The following TECR variants were observed in gnomAD, a reference collection of about 807,000 sequenced individuals.
The protein encoded by TECR is very-long-chain enoyl-CoA reductase.
Under a neutral mutation model 50.6 loss-of-function variants are expected in TECR, and 19 were observed. The ratio of observed to expected loss-of-function variants is 0.38; its 90% confidence interval spans 0.26 to 0.55. The LOEUF is 0.55. Among genes scored for constraint, TECR ranks in the 20% least tolerant of loss-of-function variants. TECR has a pLI of 0.79. For synonymous variants in TECR, 168 were observed against 163.5 expected (o/e 1.03, Z -0.21); for missense variants, 313 against 408.3 (o/e 0.77, Z 2.01).
intron 1 of TECR, among the ~76,000 whole-genome samples, chr19:14,554,938 C>G (rs893045416): frequency 2.6e-5 from 4 of 151,738 alleles, no homozygotes; most frequent in Non-Finnish European, 5.9e-5. Context: ...GCCACCATGC[C>G]CAGCTAATTT....
rs377238588 is a variant in TECR at position 14,529,648 on chromosome 19, C to G, written c.-49C>G. The stretch of plus-strand genomic sequence containing the variant: ...TGTAGGGAGCCTGTGCTGTGCCGCG[C>G]AGTTAGGCAGCAGCAGCCGCGGAGC... On this transcript the variant is annotated 5_prime_UTR_variant, in exon 1 of 13. Transcript: ENST00000215567. 1 of 1,613,710 alleles carries G rather than the reference C, an allele frequency of 6.2e-7. No homozygotes were observed. Among genetic ancestry groups the G allele is most frequent in the East Asian group, 2.2e-5 (1 of 44,876 alleles).
upstream of TECR, chr19:14,529,356 C>G (rs747472374): frequency 2.7e-5 from 13 of 483,336 alleles, no homozygotes; most frequent in Non-Finnish European, 4.2e-5. Context: ...CAAAGGGACG[C>G]GCGGGGCAGA....
At chr19:14,545,685 G>C (rs1421721504) in intron 1 of TECR, 2 of 168,728 alleles carry the variant, frequency 1.2e-5, no homozygotes, top group East Asian at 3.3e-4. Flanking sequence ...TGCATGGCGA[G>C]TGCAAACTGC....
At chr19:14,549,770 C>T (rs998168891) in intron 1 of TECR, among the ~76,000 whole-genome samples, 2 of 151,934 alleles carry the variant, frequency 1.3e-5, no homozygotes, top group African/African-American at 4.8e-5. Flanking sequence ...TGGTGAAACC[C>T]CATCTCTACT....
intron 1 of TECR, among the ~76,000 whole-genome samples, chr19:14,543,736 C>CTA (rs1220048810): frequency 6.7e-6 from 1 of 148,834 alleles, no homozygotes; most frequent in Non-Finnish European, 1.5e-5. Context: ...CCGCGCCCGG[C>CTA]TATATATATA....
intron 1 of TECR, among the ~76,000 whole-genome samples, chr19:14,548,601 G>A (rs778845365): frequency 1.3e-5 from 2 of 152,154 alleles, no homozygotes. Flanking sequence ...TTTTAGAGAC[G>A]GAGTTTTGCA....
chr19:14,532,889 C>CCTG, intron 1 of TECR, among the ~76,000 whole-genome samples: 1 of 152,094 alleles, frequency 6.6e-6, no homozygotes, highest in East Asian at 1.9e-4. Flanking sequence ...ACGGGTGAAT[C>CCTG]ACTTGAAGTC....
intron 1 of TECR, among the ~76,000 whole-genome samples, chr19:14,534,727 G>A (rs796329989): frequency 2.0e-5 from 3 of 152,082 alleles, no homozygotes; most frequent in African/African-American, 7.2e-5. Context: ...GTGAGCCACC[G>A]CACCTTGCCC....
chr19:14,562,503 A>C (rs2073933245), intron 1 of TECR, 22 bp from the exon 2 acceptor site: 1 of 1,614,182 alleles, frequency 6.2e-7, no homozygotes, highest in African/African-American at 1.3e-5. Context: ...AGAAACCTAA[A>C]AAGGCTGTTC....
chr19:14,543,299 G>T (rs1201729828), intron 1 of TECR, among the ~76,000 whole-genome samples: 24 of 123,430 alleles, frequency 1.9e-4, no homozygotes, highest in Admixed American at 1.0e-3. Flanking sequence ...GGGTGGGGTG[G>T]GGGTGTGTGT....
chr19:14,549,050 C>T (rs946313183), intron 1 of TECR, among the ~76,000 whole-genome samples: 31 of 151,576 alleles, frequency 2.0e-4, no homozygotes, highest in Non-Finnish European at 3.7e-4. Context: ...AAGGTAAAAA[C>T]GTCATGTATT....
At position 14,535,576 on chromosome 19, in the gene TECR, ATATATATATATATG is replaced by A. The variant is rs1222038744; in HGVS notation, c.15+5869_15+5882del. Among the ~76,000 whole-genome samples the A allele has an allele frequency of 5.0e-4, 20 of 39,902 alleles. No homozygotes were observed. The South Asian group carries it at 8.0e-3, about 16-fold the overall frequency. 26.2% of individuals were successfully genotyped at this position (39,902 alleles called of 152,430 possible). A position where few individuals can be genotyped will look rare whatever the true frequency, so the allele number is the denominator to read the frequency against. ...TATATATATATATATATATATATAT[ATATATATATATATG>A]TATGTATATATAAATTAGCCAGGCA... On this transcript the variant is annotated intron_variant, in intron 1 of 12. Transcript: ENST00000215567.
At position 14,563,930 on chromosome 19, in the gene TECR, C is replaced by CT. The variant is rs775074935; in HGVS notation, c.267+31dup. The stretch of plus-strand genomic sequence containing the variant: ...TGAGTCCTGACCCTACCCACGGCCT[C>CT]TTTTCCCGTCAGCCACGTTGGGTGA... On this transcript the variant is annotated intron_variant, in intron 5 of 12. Coordinates refer to ENST00000215567, the MANE Select transcript of TECR (RefSeq NM_138501.6). The surrounding 1 kb of genome is among the most constrained non-coding windows in gnomAD (Gnocchi z 5.3). 1 of 1,614,036 alleles carries CT rather than the reference C, an allele frequency of 6.2e-7. No individual in the cohort carries two copies. Among genetic ancestry groups the CT allele is most frequent in the Non-Finnish European group, 8.5e-7 (1 of 1,179,922 alleles).
rs1440896610 is a variant in TECR, at chr19:14,565,012, G to A, written c.606+20G>A. ...TTTGTGGTAAGGAGGCTGGGTGTGGGGACGGGGTCGGGGGAGTCTGGGCGG... is the reference window on the plus strand; with the variant it reads ...TTTGTGGTAAGGAGGCTGGGTGTGGAGACGGGGTCGGGGGAGTCTGGGCGG... On this transcript the variant is annotated intron_variant, in intron 9 of 12. Transcript: ENST00000215567. The A allele has an allele frequency of 3.7e-6, 6 of 1,613,868 alleles. No homozygotes were observed. Among genetic ancestry groups the A allele is most frequent in the Non-Finnish European group, 5.1e-6 (6 of 1,180,030 alleles).
intron 1 of TECR, among the ~76,000 whole-genome samples, chr19:14,554,503 C>G (rs986265988): frequency 6.6e-6 from 1 of 152,152 alleles, no homozygotes; most frequent in African/African-American, 2.4e-5. Flanking sequence ...TGTTTACAGC[C>G]GGGAGAGGAC....
chr19:14,540,474 C>T (rs537407639), intron 1 of TECR, among the ~76,000 whole-genome samples: 1 of 152,028 alleles, frequency 6.6e-6, no homozygotes, highest in Non-Finnish European at 1.5e-5. Context: ...CTCTCTGCAA[C>T]CTCTGCGTCT....
At chr19:14,553,147 G>A (rs1037682782) in intron 1 of TECR, among the ~76,000 whole-genome samples, 4 of 152,092 alleles carry the variant, frequency 2.6e-5, no homozygotes, top group Admixed American at 6.5e-5. Flanking sequence ...CCAGGAGCTC[G>A]TGCGTCCGAT....
intron 1 of TECR, among the ~76,000 whole-genome samples, chr19:14,559,981 AT>A (rs5827242): frequency 0.6 from 91,568 of 151,796 alleles, 28,645 homozygotes; most frequent in African/African-American, 0.78. Flanking sequence ...AGCCTTGGGC[AT>A]TTCTTGTCTG....
At chr19:14,555,318 G>A (rs1427230904) in intron 1 of TECR, among the ~76,000 whole-genome samples, 4 of 144,328 alleles carry the variant, frequency 2.8e-5, no homozygotes, top group East Asian at 2.1e-4. Context: ...GTGTGATCTC[G>A]GCTCACTGCA....
Sources: gnomAD v4.1 joint callset for allele counts (sites outside exome capture counted in the v4.1 genomes callset) on GRCh38, gnomAD v4.1.1 for gene constraint, Gnocchi (gnomAD v3.1) non-coding constraint, MANE v1.5 for transcripts, NCBI Gene and HGNC (gene_info 2026-07-23, HGNC 2026-07-21) for gene names.